Variants in F8 observed in about 807,000 individuals in gnomAD.
The protein encoded by F8 is antihemophilic factor.
Under a neutral mutation model 140.6 loss-of-function variants are expected in F8, and 12 were observed. The observed-to-expected ratio is 0.09, with a 90% CI of 0.05 to 0.14. The LOEUF (loss-of-function observed/expected upper bound fraction) is 0.14, where lower values mean the gene tolerates loss of function less well. Among genes scored for constraint, F8 ranks in the 10% least tolerant of loss-of-function variants. The pLI is 1.00. For synonymous variants in F8, 585 were observed against 614.6 expected (o/e 0.95, Z 0.71); for missense variants, 1,354 against 1,720.7 (o/e 0.79, Z 3.77).
Position 155,015,509 on chromosome X carries a change from C to T in F8, c.143+6901G>A, listed in dbSNP as rs781785989. Among the ~76,000 whole-genome samples the T allele has an allele frequency of 4.5e-4, 50 of 112,220 alleles. No homozygotes were observed. In the Middle Eastern group the frequency reaches 0.014, roughly 31 times the overall value. On this transcript the variant is annotated intron_variant, in intron 1 of 25. Coordinates refer to ENST00000360256, the MANE Select transcript of F8 (RefSeq NM_000132.4). ...TTATCAAAACTCAACAATAACAAGA[C>T]AAACAACCCAATTAAAAACTGGCAA...
intron 14 of F8, among the ~76,000 whole-genome samples, chrX:154,918,375 T>C (rs891160220): frequency 1.5e-4 from 17 of 111,298 alleles, no homozygotes; most frequent in Non-Finnish European, 3.2e-4. Flanking sequence ...CCTCCATCCT[T>C]TGTCTCTAGC....
In F8 at chrX:154,861,745, T is replaced by C. The variant is rs201870876; in HGVS notation, c.6696A>G (p.Gln2232=). ...WSPSKARLHL[Q]GRSNAWRPQV... ...GAGGTCTCCAGGCATTACTCCTCCC[T>C]TGGAGGTGAAGTCGAGCTTTTGAAG... The change falls in exon 24 of 26, where the codon CAA becomes CAG. Residue 2232 remains glutamine, a synonymous_variant. Transcript: ENST00000360256. 6.4e-5 allele frequency: 77 copies of C among 1,210,207 alleles called. No individual in the cohort carries two copies. Among genetic ancestry groups the C allele is most frequent in the Non-Finnish European group, 8.3e-5 (74 of 895,163 alleles).
At chrX:155,014,144 A>T (rs1345201819) in intron 1 of F8, among the ~76,000 whole-genome samples, 1 of 111,946 alleles carries the variant, frequency 8.9e-6, no homozygotes, top group Non-Finnish European at 1.9e-5. Context: ...TTAAAAAATC[A>T]ATCAAGGTAA....
intron 12 of F8, among the ~76,000 whole-genome samples, chrX:154,950,855 G>A (rs1419388302): frequency 8.9e-6 from 1 of 111,943 alleles, no homozygotes; most frequent in Non-Finnish European, 1.9e-5. Context: ...CTTCTTTTTT[G>A]TTGTTGCTTT....
chrX:154,904,754 C>T (rs1462972466), intron 16 of F8, 57 bp downstream of exon 16: 16 of 1,049,190 alleles, frequency 1.5e-5, no homozygotes, highest in African/African-American at 5.5e-5. Flanking sequence ...ATTCTTAGTA[C>T]ACAAAGACCA....
chrX:154,997,361 C>G (rs1196716798), intron 2 of F8, among the ~76,000 whole-genome samples: 5 of 112,228 alleles, frequency 4.5e-5, no homozygotes, highest in African/African-American at 1.6e-4. Context: ...GGTGCAGTAG[C>G]AAACAAGACA....
intron 6 of F8, among the ~76,000 whole-genome samples, chrX:154,976,319 A>G (rs1236264096): frequency 9.0e-6 from 1 of 111,683 alleles, no homozygotes; most frequent in Non-Finnish European, 1.9e-5. Flanking sequence ...CTTTCAGTCT[A>G]TGTGTGTCCT....
chrX:154,847,618 A>G lies in F8; in HGVS notation c.6901-9866T>C, dbSNP rs782198972. 5.4e-5 allele frequency among the ~76,000 whole-genome samples: 6 copies of G among 112,073 alleles called. 1 individual carries two copies. The South Asian group carries it at 1.5e-3, about 28-fold the overall frequency. Reference sequence around the variant, plus strand: ...GCATTCGTCACATAGTTCTCGTGCCATGGTTTTCAGCTCCATCAGGTCATT... The same window carrying G: ...GCATTCGTCACATAGTTCTCGTGCCGTGGTTTTCAGCTCCATCAGGTCATT... On this transcript the variant is annotated intron_variant, in intron 25 of 25. Coordinates refer to ENST00000360256, the MANE Select transcript of F8 (RefSeq NM_000132.4).
chrX:154,837,309 G>T lies in F8; in HGVS notation c.*288C>A, dbSNP rs1044626956. On this transcript the variant is annotated 3_prime_UTR_variant, in exon 26 of 26. Transcript: ENST00000360256. ...CTGAGAGGCCTAACTTTTCAGGGAA[G>T]AATGCTTTCATGCAGGTTTCTCCTC... 9 of 346,135 alleles carry T rather than the reference G, an allele frequency of 2.6e-5. No homozygotes were observed. Among genetic ancestry groups the T allele is most frequent in the Non-Finnish European group, 4.6e-5 (9 of 197,044 alleles). 28.5% of individuals were successfully genotyped at this position (346,135 alleles called of 1,213,427 possible).
intron 1 of F8, among the ~76,000 whole-genome samples, chrX:155,002,238 C>T (rs2073650232): frequency 8.9e-6 from 1 of 112,676 alleles, no homozygotes; most frequent in Non-Finnish European, 1.9e-5. Context: ...TCAATAGACA[C>T]TTGCAGTACT....
At chrX:155,008,419 C>A (rs1399236612) in intron 1 of F8, among the ~76,000 whole-genome samples, 1 of 111,631 alleles carries the variant, frequency 9.0e-6, no homozygotes, top group Non-Finnish European at 1.9e-5. Context: ...CCAGGCTAAC[C>A]CAGGGCAATG....
At chrX:154,976,370 C>CT (rs1343769016) in intron 6 of F8, among the ~76,000 whole-genome samples, 12 of 110,391 alleles carry the variant, frequency 1.1e-4, no homozygotes, top group Admixed American at 1.9e-4. Flanking sequence ...GTAGTTAGAT[C>CT]TTTTTTTAAA....
At chrX:154,862,954 C>A (rs2072704582) in intron 23 of F8, 129 bp downstream of exon 23, 2 of 711,213 alleles carry the variant, frequency 2.8e-6, no homozygotes, top group Non-Finnish European at 4.4e-6. Context: ...CAGGACTATG[C>A]TGGTTTTAGC....
intron 13 of F8, among the ~76,000 whole-genome samples, chrX:154,942,214 T>C (rs113230674): frequency 9.3e-6 from 1 of 107,736 alleles, no homozygotes; most frequent in South Asian, 4.1e-4. Context: ...TTCAAAAAAT[T>C]AATGAATCCA....
intron 3 of F8, among the ~76,000 whole-genome samples, 193 bp from the exon 4 acceptor site, chrX:154,993,341 G>A (rs1191594596): frequency 1.8e-5 from 2 of 111,488 alleles, no homozygotes; most frequent in Non-Finnish European, 3.8e-5. Context: ...AGCAACGTCC[G>A]CCTCCCAGGT....
intron 13 of F8, among the ~76,000 whole-genome samples, chrX:154,945,534 T>C (rs957620483): frequency 1.8e-5 from 2 of 111,831 alleles, no homozygotes; most frequent in Non-Finnish European, 3.8e-5. Flanking sequence ...CCAAAAAGAT[T>C]AAATTCAACA....
At chrX:154,897,102 A>AATACC (rs1385712463) in intron 21 of F8, among the ~76,000 whole-genome samples, 2 of 112,593 alleles carry the variant, frequency 1.8e-5, no homozygotes, top group Non-Finnish European at 3.7e-5. Flanking sequence ...TATCTGGTAT[A>AATACC]ATACTGCTGT....
intron 7 of F8, among the ~76,000 whole-genome samples, chrX:154,967,211 C>T (rs782406032): frequency 1.8e-5 from 2 of 111,272 alleles, no homozygotes; most frequent in African/African-American, 3.3e-5. Context: ...GATTTAATAA[C>T]AGCTTATTGG....
At chrX:154,940,603 C>G (rs1338456172) in intron 13 of F8, among the ~76,000 whole-genome samples, 1 of 112,029 alleles carries the variant, frequency 8.9e-6, no homozygotes. Flanking sequence ...AGGGTATTAT[C>G]CAAGAGAACT....
Sources: allele counts gnomAD v4.1 joint callset (sites outside exome capture counted in the v4.1 genomes callset), GRCh38; gene constraint gnomAD v4.1.1; transcripts MANE v1.5; gene names NCBI Gene and HGNC (gene_info 2026-07-23, HGNC 2026-07-21).